ANKHD1: variants seen among roughly 807,000 people sequenced by gnomAD.
ANKHD1 encodes ankyrin repeat and KH domain containing 1.
ANKHD1 carries 31 observed loss-of-function variants against 230.5 expected under a neutral mutation model. The ratio of observed to expected loss-of-function variants is 0.13; its 90% CI spans 0.10 to 0.18. ANKHD1 has a LOEUF of 0.18. ANKHD1 is among the 10% of genes least tolerant of loss of function. The pLI is 1.00. For synonymous variants in ANKHD1, 1,074 were observed against 1,117.6 expected (o/e 0.96, Z 0.78); for missense variants, 2,256 against 3,071.3 (o/e 0.73, Z 6.27).
At chr5:140,445,227 C>T (rs556490254) in intron 5 of ANKHD1, among the ~76,000 whole-genome samples, 12 of 149,532 alleles carry the variant, frequency 8.0e-5, no homozygotes, top group Non-Finnish European at 1.3e-4. Context: ...GTATAATTGG[C>T]ATAATTGTCA....
At chr5:140,456,458 C>G (rs1371055811) in intron 7 of ANKHD1, among the ~76,000 whole-genome samples, 1 of 152,202 alleles carries the variant, frequency 6.6e-6, no homozygotes, top group Non-Finnish European at 1.5e-5. Context: ...TGACTTCAAA[C>G]TATACTACAA....
chr5:140,535,892 T>TA (rs66796784), intron 30 of ANKHD1: 71 of 104,770 alleles, frequency 6.8e-4, no homozygotes, highest in Admixed American at 1.3e-3. Flanking sequence ...CTGTCTCTAT[T>TA]AAAAAAAAAA....
chr5:140,488,982 G>A (rs1413969325), intron 14 of ANKHD1, among the ~76,000 whole-genome samples: 2 of 151,968 alleles, frequency 1.3e-5, no homozygotes. Flanking sequence ...TTGAGCCCAG[G>A]AGTTCGAGAC....
At chr5:140,514,919 C>T (rs1315271059) in intron 24 of ANKHD1, among the ~76,000 whole-genome samples, 1 of 150,600 alleles carries the variant, frequency 6.6e-6, no homozygotes, top group Non-Finnish European at 1.5e-5. Context: ...CTGCAATGAG[C>T]TATGATTGTG....
intron 14 of ANKHD1, among the ~76,000 whole-genome samples, chr5:140,495,623 A>C (rs913962530): frequency 2.0e-5 from 3 of 152,102 alleles, no homozygotes; most frequent in Non-Finnish European, 4.4e-5. Flanking sequence ...TATGTCCTTC[A>C]TTTCATGTCC....
chr5:140,478,431 A>G (rs1342133896), intron 10 of ANKHD1, among the ~76,000 whole-genome samples: 1 of 150,800 alleles, frequency 6.6e-6, no homozygotes, highest in Non-Finnish European at 1.5e-5. Context: ...TAATTATTTT[A>G]TAAGTAGAGA....
chr5:140,449,668 A>G (rs1774558678), intron 7 of ANKHD1, among the ~76,000 whole-genome samples: 1 of 152,182 alleles, frequency 6.6e-6, no homozygotes, highest in East Asian at 1.9e-4. Context: ...TCTCAAAAAA[A>G]AAAAAAAAAG....
Position 140,526,381 on chromosome 5 carries a change from C to T in ANKHD1, c.4878C>T (p.Pro1626=). The T allele has an allele frequency of 1.9e-6, 3 of 1,614,078 alleles. No homozygotes were observed. Among genetic ancestry groups the T allele is most frequent in the Non-Finnish European group, 2.5e-6 (3 of 1,180,018 alleles). The change falls in exon 26 of 34, where the codon CCC becomes CCT. Residue 1626 remains proline, a synonymous_variant. Transcript: ENST00000360839. The part of the protein sequence containing the change: ...FVMDVNSSKY[P]SLLLHSQEEK... The stretch of plus-strand genomic sequence containing the variant: ...TGGATGTGAATTCCTCTAAATACCC[C>T]TCACTGCTCCTTCATTCCCAAGAAG...
chr5:140,429,736 ATTAG>A lies in ANKHD1; in HGVS notation c.307-6364_307-6361del, dbSNP rs539354432. Among the ~76,000 whole-genome samples, 32 of 152,126 alleles carry A rather than the reference ATTAG, an allele frequency of 2.1e-4. No individual in the cohort carries two copies. In the East Asian group the frequency reaches 2.1e-3, roughly 10 times the overall value. ...TAGAAATACAGTCTGAGAGAAGTTAATTAGTTATTGATCAATGTAATATGAGATA... is the reference window on the plus strand; with the variant it reads ...TAGAAATACAGTCTGAGAGAAGTTAATTATTGATCAATGTAATATGAGATA... On this transcript the variant is annotated intron_variant, in intron 1 of 33. Transcript: ENST00000360839.
chr5:140,402,901 C>G (rs1581190082), intron 1 of ANKHD1, among the ~76,000 whole-genome samples: 1 of 150,302 alleles, frequency 6.7e-6, no homozygotes, highest in African/African-American at 2.5e-5. Flanking sequence ...TTCGGAATAG[C>G]TGGGTAGCTG....
At chr5:140,521,051 G>A (rs960045470) in intron 24 of ANKHD1, among the ~76,000 whole-genome samples, 3 of 152,092 alleles carry the variant, frequency 2.0e-5, no homozygotes, top group African/African-American at 7.2e-5. Context: ...AAATGACAGT[G>A]TTGATATACT....
intron 5 of ANKHD1, among the ~76,000 whole-genome samples, chr5:140,444,927 T>C (rs1170977996): frequency 6.6e-6 from 1 of 152,152 alleles, no homozygotes; most frequent in African/African-American, 2.4e-5. Flanking sequence ...TATTGGGCTT[T>C]CCAGAAAGTC....
At chr5:140,536,499 A>T (rs1754083452) in intron 30 of ANKHD1, among the ~76,000 whole-genome samples, 1 of 152,214 alleles carries the variant, frequency 6.6e-6, no homozygotes, top group South Asian at 2.1e-4. Context: ...GTCAGTGAGT[A>T]TTGGCTTTTT....
chr5:140,526,546 T>C, intron 26 of ANKHD1, 103 bp downstream of exon 26: 2 of 1,396,836 alleles, frequency 1.4e-6, no homozygotes, highest in South Asian at 1.5e-5. Flanking sequence ...TGTTAAACAA[T>C]TGAAGTCTAC....
intron 14 of ANKHD1, among the ~76,000 whole-genome samples, chr5:140,491,143 T>TAC (rs1561793621): frequency 7.6e-4 from 47 of 61,906 alleles, no homozygotes; most frequent in African/African-American, 2.4e-3. Flanking sequence ...TATACACATA[T>TAC]ATATATATAT....
At chr5:140,537,698 G>GT in intron 31 of ANKHD1, 109 bp downstream of exon 31, 1 of 1,413,952 alleles carries the variant, frequency 7.1e-7, no homozygotes. Context: ...TAGTTCCTAT[G>GT]TTTAACACTC....
At chr5:140,520,637 G>A (rs1039836949) in intron 24 of ANKHD1, among the ~76,000 whole-genome samples, 7 of 151,906 alleles carry the variant, frequency 4.6e-5, no homozygotes, top group African/African-American at 1.4e-4. Flanking sequence ...TGGGGACATG[G>A]ATGAAATTGG....
At chr5:140,521,234 C>G (rs564194036) in intron 24 of ANKHD1, among the ~76,000 whole-genome samples, 8 of 152,078 alleles carry the variant, frequency 5.3e-5, no homozygotes, top group African/African-American at 1.7e-4. Context: ...AAAAAAACTT[C>G]GTAAGCTAAA....
chr5:140,531,568 C>T (rs1018009929), intron 29 of ANKHD1, among the ~76,000 whole-genome samples: 8 of 149,486 alleles, frequency 5.4e-5, no homozygotes, highest in African/African-American at 1.2e-4. Context: ...AACAAAAGAG[C>T]GAGACTGTCA....
Sources: allele counts gnomAD v4.1 joint callset (sites outside exome capture counted in the v4.1 genomes callset), GRCh38; gene constraint gnomAD v4.1.1; transcripts MANE v1.5; gene names NCBI Gene and HGNC (gene_info 2026-07-23, HGNC 2026-07-21).